The following TMEM17 variants were observed in gnomAD, a reference collection of about 807,000 sequenced individuals.
The protein encoded by TMEM17 is transmembrane protein 17.
TMEM17 carries 15 observed loss-of-function variants against 19.1 expected under a neutral mutation model. The observed-to-expected ratio is 0.78, with a 90% confidence interval of 0.52 to 1.21. The LOEUF (loss-of-function observed/expected upper bound fraction) is 1.21, where lower values mean the gene tolerates loss of function less well. Among genes scored for constraint, TMEM17 ranks in the 50% most tolerant of loss-of-function variants. TMEM17 has a pLI of 0.00. For synonymous variants in TMEM17, 103 were observed against 86.9 expected, an observed-to-expected ratio of 1.19 and a Z score of -1.03; for missense variants, 245 against 242.3, an observed-to-expected ratio of 1.01 and a Z score of -0.07.
At chr2:62,463,129 G>A in the TMEM17 span, 1 of 152,260 alleles carries the variant, frequency 6.6e-6, no homozygotes, top group Non-Finnish European at 1.5e-5. Flanking sequence ...AATCAAATAG[G>A]AGCCAGTCCC....
chr2:62,478,051 G>A, the TMEM17 span, among the ~76,000 whole-genome samples: 1 of 152,156 alleles, frequency 6.6e-6, no homozygotes, highest in Non-Finnish European at 1.5e-5. Flanking sequence ...TCTACTTACT[G>A]TTTCAAGGCA....
At chr2:62,504,392 C>G (rs747182801) in intron 1 of TMEM17, among the ~76,000 whole-genome samples, 41 of 152,108 alleles carry the variant, frequency 2.7e-4, no homozygotes, top group Non-Finnish European at 8.8e-5. Context: ...TACTTCCAAT[C>G]CACAAAGAAG....
At chr2:62,471,454 G>C in the TMEM17 span, among the ~76,000 whole-genome samples, 1 of 152,228 alleles carries the variant, frequency 6.6e-6, no homozygotes, top group Non-Finnish European at 1.5e-5. Flanking sequence ...GACTCTGTGA[G>C]ATCTACACTG....
the TMEM17 span, among the ~76,000 whole-genome samples, chr2:62,460,953 G>A: frequency 2.4e-3 from 364 of 152,328 alleles, 12 homozygotes; most frequent in East Asian, 0.063. Context: ...AGAGGAAAAA[G>A]CAGGTGATTG....
chr2:62,475,719 C>T, the TMEM17 span, among the ~76,000 whole-genome samples: 1 of 152,188 alleles, frequency 6.6e-6, no homozygotes, highest in Non-Finnish European at 1.5e-5. Context: ...CACTTGAATG[C>T]CAGTGTCGGG....
chr2:62,499,487 A>T (rs1428174775), downstream of TMEM17, among the ~76,000 whole-genome samples: 1 of 152,220 alleles, frequency 6.6e-6, no homozygotes, highest in East Asian at 1.9e-4. Flanking sequence ...ACTGGTGACT[A>T]CTTTGGCATG....
the TMEM17 span, among the ~76,000 whole-genome samples, chr2:62,486,681 G>A: frequency 6.6e-6 from 1 of 152,202 alleles, no homozygotes; most frequent in Non-Finnish European, 1.5e-5. Context: ...AAGAGACAAA[G>A]TGGATGCTGT....
At chr2:62,467,433 A>G in the TMEM17 span, among the ~76,000 whole-genome samples, 3 of 152,178 alleles carry the variant, frequency 2.0e-5, no homozygotes, top group Admixed American at 6.5e-5. Context: ...TTCGATGAAC[A>G]TGTGAACTTG....
Position 62,501,203 on chromosome 2 carries a change from A to C in TMEM17, c.*6T>G. On this transcript the variant is annotated 3_prime_UTR_variant, in exon 4 of 4. Transcript: ENST00000335390. ...ATCTGTCAGATTTTCACTCAACAAC[A>C]CTGGATCAGATCTCTTCTATACATG... 1 of 1,611,052 alleles carries C rather than the reference A, an allele frequency of 6.2e-7. No homozygotes were observed. Among genetic ancestry groups the C allele is most frequent in the Non-Finnish European group, 8.5e-7 (1 of 1,177,772 alleles).
the TMEM17 span, among the ~76,000 whole-genome samples, chr2:62,454,373 A>G: frequency 2.0e-5 from 3 of 152,192 alleles, no homozygotes; most frequent in African/African-American, 7.2e-5. Flanking sequence ...TGCATGAAGC[A>G]TGTACTGGCT....
chr2:62,460,228 G>A, the TMEM17 span, among the ~76,000 whole-genome samples: 4 of 152,192 alleles, frequency 2.6e-5, no homozygotes, highest in Admixed American at 2.6e-4. Context: ...CAATGGGTAG[G>A]AATGACTGCT....
the TMEM17 span, among the ~76,000 whole-genome samples, chr2:62,476,948 G>A: frequency 1.3e-5 from 2 of 152,172 alleles, no homozygotes; most frequent in Non-Finnish European, 2.9e-5. Flanking sequence ...CCCAGATAAG[G>A]GATGGTGTGC....
chr2:62,482,147 C>T, the TMEM17 span, among the ~76,000 whole-genome samples: 1 of 152,228 alleles, frequency 6.6e-6, no homozygotes, highest in African/African-American at 2.4e-5. Context: ...TGCTGCTTAA[C>T]TTCCAAATCT....
At chr2:62,458,310 C>A in the TMEM17 span, among the ~76,000 whole-genome samples, 1 of 152,172 alleles carries the variant, frequency 6.6e-6, no homozygotes. Flanking sequence ...GCAGCCTGGC[C>A]CAGCTGACAG....
At chr2:62,473,261 A>AT in the TMEM17 span, among the ~76,000 whole-genome samples, 1 of 152,202 alleles carries the variant, frequency 6.6e-6, no homozygotes, top group African/African-American at 2.4e-5. Flanking sequence ...GGATAAGAAA[A>AT]CTAAGGTACT....
the TMEM17 span, among the ~76,000 whole-genome samples, chr2:62,456,368 A>G: frequency 6.6e-6 from 1 of 152,136 alleles, no homozygotes; most frequent in South Asian, 2.1e-4. Flanking sequence ...CCTCTTACCC[A>G]TCTTCAAAGC....
chr2:62,462,045 C>T, the TMEM17 span, among the ~76,000 whole-genome samples: 1 of 152,218 alleles, frequency 6.6e-6, no homozygotes, highest in African/African-American at 2.4e-5. Flanking sequence ...CTGCAGCTGG[C>T]CCCTGGAGGC....
the TMEM17 span, among the ~76,000 whole-genome samples, chr2:62,454,887 A>T: frequency 2.0e-5 from 3 of 152,074 alleles, no homozygotes; most frequent in East Asian, 3.9e-4. Flanking sequence ...TGTATTTTTA[A>T]TGGAGACAGG....
the TMEM17 span, among the ~76,000 whole-genome samples, chr2:62,469,679 G>A: frequency 1.3e-5 from 2 of 152,254 alleles, no homozygotes; most frequent in African/African-American, 2.4e-5. Context: ...TCTGAGTATA[G>A]TTGCTGAGGT....
Sources: gnomAD v4.1 joint callset for allele counts (sites outside exome capture counted in the v4.1 genomes callset) on GRCh38, gnomAD v4.1.1 for gene constraint, MANE v1.5 for transcripts, NCBI Gene and HGNC (gene_info 2026-07-23, HGNC 2026-07-21) for gene names.